Variants in TNNI3K observed in about 807,000 individuals in gnomAD.
TNNI3K encodes the protein TNNI3 interacting kinase.
A neutral mutation model predicts 114.5 loss-of-function variants in TNNI3K; 140 were observed. The ratio of observed to expected loss-of-function variants is 1.22; its 90% CI spans 1.07 to 1.41. The LOEUF (loss-of-function observed/expected upper bound fraction) is 1.41. Ranked by LOEUF, TNNI3K falls within the 40% of genes most tolerant of loss-of-function variation. The pLI, the probability that TNNI3K is intolerant of heterozygous loss-of-function variation, is 0.00. For synonymous variants in TNNI3K, 347 were observed against 347.5 expected, an observed-to-expected ratio of 1.00 and a Z score of 0.02; for missense variants, 1,125 against 1,007.6, an observed-to-expected ratio of 1.12 and a Z score of -1.58.
At chr1:74,267,647 A>G (rs1389405543) in intron 4 of TNNI3K, among the ~76,000 whole-genome samples, 1 of 151,972 alleles carries the variant, frequency 6.6e-6, no homozygotes, top group Admixed American at 6.6e-5. Flanking sequence ...ATATGCAGCA[A>G]TTACTGCTTT....
intron 17 of TNNI3K, among the ~76,000 whole-genome samples, chr1:74,431,642 C>T (rs1665903639): frequency 6.6e-6 from 1 of 152,052 alleles, no homozygotes; most frequent in Non-Finnish European, 1.5e-5. Context: ...AGATACATTA[C>T]AGTAAAATGT....
intron 4 of TNNI3K, among the ~76,000 whole-genome samples, chr1:74,256,263 C>T (rs960421323): frequency 1.1e-4 from 14 of 129,742 alleles, no homozygotes; most frequent in African/African-American, 2.9e-4. Flanking sequence ...ACATCCTTTC[C>T]GGCACTTGGT....
chr1:74,502,093 A>C (rs992514283), intron 23 of TNNI3K, among the ~76,000 whole-genome samples: 9 of 152,168 alleles, frequency 5.9e-5, no homozygotes, highest in African/African-American at 2.2e-4. Context: ...CATATAATCT[A>C]TTAAAATTCA....
chr1:74,485,082 A>T (rs988432816), intron 21 of TNNI3K, among the ~76,000 whole-genome samples: 4 of 152,214 alleles, frequency 2.6e-5, no homozygotes, highest in African/African-American at 7.2e-5. Flanking sequence ...AAGAGTAAAT[A>T]AACCATTGTA....
At chr1:74,368,515 C>T (rs1662401722) in intron 13 of TNNI3K, among the ~76,000 whole-genome samples, 1 of 151,828 alleles carries the variant, frequency 6.6e-6, no homozygotes, top group Non-Finnish European at 1.5e-5. Flanking sequence ...TATTTCCTGT[C>T]ATTTAATTGG....
At chr1:74,253,898 C>T (rs146306146) in intron 4 of TNNI3K, among the ~76,000 whole-genome samples, 145 of 152,322 alleles carry the variant, frequency 9.5e-4, no homozygotes, top group African/African-American at 3.3e-3. Flanking sequence ...GCTGCCAGCA[C>T]GCTGTCACCT....
At chr1:74,543,315 G>A (rs1376029013) in intron 24 of TNNI3K, among the ~76,000 whole-genome samples, 2 of 151,700 alleles carry the variant, frequency 1.3e-5, no homozygotes, top group African/African-American at 2.4e-5. Flanking sequence ...CTCATGATTC[G>A]CTCTCTGGGC....
At chr1:74,429,839 A>G (rs1665809153) in intron 17 of TNNI3K, among the ~76,000 whole-genome samples, 2 of 152,082 alleles carry the variant, frequency 1.3e-5, no homozygotes, top group Admixed American at 1.3e-4. Context: ...TGTGTCTTTA[A>G]TCATGTGAGT....
intron 4 of TNNI3K, among the ~76,000 whole-genome samples, chr1:74,255,199 A>C (rs1460509836): frequency 6.6e-6 from 1 of 151,992 alleles, no homozygotes; most frequent in East Asian, 1.9e-4. Flanking sequence ...CTAAAAATAC[A>C]AAAAATTAGC....
At chr1:74,392,178 G>C (rs1026204065) in intron 17 of TNNI3K, among the ~76,000 whole-genome samples, 3 of 152,060 alleles carry the variant, frequency 2.0e-5, no homozygotes, top group Non-Finnish European at 2.9e-5. Flanking sequence ...GTCATAAGTG[G>C]TAACTGGATT....
In TNNI3K at chr1:74,367,923, C is replaced by A; in HGVS notation, c.1280C>A (p.Ser427Tyr). 1 of 1,577,430 alleles carries A rather than the reference C, an allele frequency of 6.3e-7. No individual in the cohort carries two copies. Among genetic ancestry groups the A allele is most frequent in the Non-Finnish European group, 8.6e-7 (1 of 1,166,394 alleles). Reference sequence around the variant, plus strand: ...TAATTTCTAGATGGCTCCTATGTGTCTGTTCCATCACCCTTGGGGAAGATT... The same window carrying A: ...TAATTTCTAGATGGCTCCTATGTGTATGTTCCATCACCCTTGGGGAAGATT... ...SQPGGDGSYVSVPSPLGKIKS... is the reference protein window; with the variant it reads ...SQPGGDGSYVYVPSPLGKIKS... The change falls in exon 13 of 25, where the codon TCT becomes TAT. Residue 427 changes from serine to tyrosine, a missense_variant. Transcript: ENST00000326637.
intron 11 of TNNI3K, among the ~76,000 whole-genome samples, chr1:74,357,153 T>C (rs1309137492): frequency 6.6e-6 from 1 of 152,086 alleles, no homozygotes; most frequent in African/African-American, 2.4e-5. Context: ...TATTAATTGA[T>C]ATAGCATACT....
At chr1:74,315,959 A>G (rs1189774494) in intron 5 of TNNI3K, among the ~76,000 whole-genome samples, 1 of 152,210 alleles carries the variant, frequency 6.6e-6, no homozygotes, top group Non-Finnish European at 1.5e-5. Context: ...TGAAAGAAGT[A>G]TAAAATATAG....
intron 23 of TNNI3K, among the ~76,000 whole-genome samples, chr1:74,519,069 T>C (rs1484781265): frequency 1.1e-5 from 1 of 92,666 alleles, no homozygotes; most frequent in Non-Finnish European, 1.9e-5. Flanking sequence ...AGTGTGATAT[T>C]CCCCTTCCTG....
At chr1:74,289,257 G>T (rs1657519481) in intron 5 of TNNI3K, among the ~76,000 whole-genome samples, 1 of 151,722 alleles carries the variant, frequency 6.6e-6, no homozygotes, top group Admixed American at 6.6e-5. Flanking sequence ...ATGCTGTTTT[G>T]ATTTTTAAAA....
At chr1:74,253,725 C>G (rs1287181260) in intron 4 of TNNI3K, among the ~76,000 whole-genome samples, 11 of 152,102 alleles carry the variant, frequency 7.2e-5, no homozygotes, top group Admixed American at 7.2e-4. Context: ...CTGCCCGTGC[C>G]TCTCCCTCCA....
At chr1:74,434,311 C>A (rs1666026852) in intron 17 of TNNI3K, among the ~76,000 whole-genome samples, 1 of 152,008 alleles carries the variant, frequency 6.6e-6, no homozygotes, top group Non-Finnish European at 1.5e-5. Flanking sequence ...CTATTGCATA[C>A]TACACACACT....
chr1:74,489,567 A>T (rs560268001), intron 22 of TNNI3K, among the ~76,000 whole-genome samples: 2 of 152,202 alleles, frequency 1.3e-5, no homozygotes, highest in Non-Finnish European at 2.9e-5. Flanking sequence ...TATTTAATCA[A>T]TTTTTATGCA....
chr1:74,475,496 G>T (rs45535932), intron 21 of TNNI3K: 1 of 716,782 alleles, frequency 1.4e-6, no homozygotes. Flanking sequence ...CCTACCCCAC[G>T]GTCTTTCTTT....
Sources: allele counts gnomAD v4.1 joint callset (sites outside exome capture counted in the v4.1 genomes callset), GRCh38; gene constraint gnomAD v4.1.1; transcripts MANE v1.5; gene names NCBI Gene and HGNC (gene_info 2026-07-23, HGNC 2026-07-21).